The following SLCO1B3 variants were observed in gnomAD, a reference collection of about 807,000 sequenced individuals.
SLCO1B3 encodes solute carrier organic anion transporter family member 1B3.
In SLCO1B3, 72 loss-of-function variants were observed where a neutral mutation model predicts 71.8. The ratio of observed to expected loss-of-function variants is 1.00; its 90% CI spans 0.83 to 1.22. The LOEUF (loss-of-function observed/expected upper bound fraction) is 1.22. Ranked by LOEUF, SLCO1B3 falls within the 50% of genes most tolerant of loss-of-function variation. The pLI is 0.00. For missense variants in SLCO1B3, 911 were observed against 819.7 expected (o/e 1.11, Z -1.36); for synonymous variants, 298 against 278.4 (o/e 1.07, Z -0.70).
In SLCO1B3 at chr12:20,862,460, G is replaced by A. The variant is rs1865285511; in HGVS notation, c.530G>A (p.Gly177Glu). 1.2e-6 allele frequency: 2 copies of A among 1,613,178 alleles called. No homozygotes were observed. The highest frequency in any genetic ancestry group is 2.2e-5 in the South Asian group (2 of 90,962). Residue 177 changes from glycine (G) to glutamate (E), a missense_variant, in exon 7 of 16, where the codon GGG becomes GAG. Transcript: ENST00000381545. ...CACATGTGGATCTATGTCTTCATGG[G>A]GAATATGCTTCGTGGCATAGGGGAA... is the stretch of plus-strand genomic sequence containing the variant. Reference protein sequence around the residue: ...GSHMWIYVFMGNMLRGIGETP... With the variant: ...GSHMWIYVFMENMLRGIGETP...
intron 15 of SLCO1B3, among the ~76,000 whole-genome samples, chr12:20,905,077 A>G (rs1038885392): frequency 2.6e-5 from 4 of 152,158 alleles, no homozygotes; most frequent in Non-Finnish European, 5.9e-5. Flanking sequence ...CACCATGTGA[A>G]AGGCACCAAA....
intron 5 of SLCO1B3, among the ~76,000 whole-genome samples, chr12:20,860,597 CTTTGTGTGTG>C (rs969231534): frequency 1.7e-4 from 14 of 80,156 alleles, no homozygotes; most frequent in South Asian, 7.3e-4. Context: ...AAGTCAAGCA[CTTTGTGTGTG>C]TGTGTGTGTG....
At chr12:20,892,219 G>T (rs1865919371) in intron 13 of SLCO1B3, among the ~76,000 whole-genome samples, 1 of 151,952 alleles carries the variant, frequency 6.6e-6, no homozygotes, top group Admixed American at 6.6e-5. Flanking sequence ...TTTGAATTAG[G>T]TTTTTTCCAT....
rs2121247015 is a variant in SLCO1B3 at position 20,860,900 on chromosome 12, C to G, written c.360-117C>G. 24 of 1,033,180 alleles carry G rather than the reference C, an allele frequency of 2.3e-5. 1 individual carries two copies. Among genetic ancestry groups the G allele is most frequent in the Middle Eastern group, 6.8e-4 (2 of 2,960 alleles). 64.0% of individuals were successfully genotyped at this position (1,033,180 alleles called of 1,614,324 possible). A position where few individuals can be genotyped will look rare whatever the true frequency, so the allele number is the denominator to read the frequency against. ...TGCTGGGAAGTTGACAAACAAGATTCTGGTAATTTGGAGAAGACAGCGGTT... is the reference window on the plus strand; with the variant it reads ...TGCTGGGAAGTTGACAAACAAGATTGTGGTAATTTGGAGAAGACAGCGGTT... On this transcript the variant is annotated intron_variant, in intron 5 of 15. Transcript: ENST00000381545.
intron 15 of SLCO1B3, among the ~76,000 whole-genome samples, chr12:20,910,858 T>G (rs936155700): frequency 5.3e-5 from 8 of 152,152 alleles, no homozygotes; most frequent in Non-Finnish European, 8.8e-5. Context: ...TGTTTTTGTC[T>G]ATTATTTGAG....
At chr12:20,812,890 GAATT>G (rs1166727788) in intron 1 of SLCO1B3, among the ~76,000 whole-genome samples, 12 of 152,160 alleles carry the variant, frequency 7.9e-5, no homozygotes, top group Non-Finnish European at 1.8e-4. Flanking sequence ...TGCAATTATA[GAATT>G]AATTGGTAAA....
chr12:20,822,262 G>A (rs533021529), intron 3 of SLCO1B3, among the ~76,000 whole-genome samples: 25 of 152,286 alleles, frequency 1.6e-4, no homozygotes, highest in African/African-American at 4.8e-4. Flanking sequence ...ACCTGGATGC[G>A]GTTGGGCTGA....
At chr12:20,910,297 T>C (rs1866347843) in intron 15 of SLCO1B3, among the ~76,000 whole-genome samples, 3 of 152,192 alleles carry the variant, frequency 2.0e-5, no homozygotes, top group Non-Finnish European at 2.9e-5. Flanking sequence ...TATTTATTCT[T>C]TCCACTTACC....
intron 3 of SLCO1B3, among the ~76,000 whole-genome samples, chr12:20,843,780 CAAA>C (rs550396701): frequency 1.5e-5 from 2 of 132,810 alleles, no homozygotes. Flanking sequence ...GACTCTGTCT[CAAA>C]AAAAAAAAAA....
intron 13 of SLCO1B3, among the ~76,000 whole-genome samples, chr12:20,891,600 T>C (rs918886905): frequency 3.3e-5 from 5 of 152,130 alleles, no homozygotes; most frequent in African/African-American, 1.2e-4. Context: ...TGGGAGTTAT[T>C]CTTTCAAACA....
chr12:20,900,158 T>G (rs914268299), intron 14 of SLCO1B3, among the ~76,000 whole-genome samples: 3 of 152,206 alleles, frequency 2.0e-5, no homozygotes, highest in African/African-American at 7.2e-5. Flanking sequence ...TGTGATTTTT[T>G]GAAATCTGCA....
intron 15 of SLCO1B3, among the ~76,000 whole-genome samples, chr12:20,915,460 G>C (rs912632130): frequency 1.3e-5 from 2 of 151,906 alleles, no homozygotes; most frequent in African/African-American, 4.8e-5. Flanking sequence ...GACATATCTG[G>C]GTCTGGTTTT....
chr12:20,879,328 A>T, intron 10 of SLCO1B3, 108 bp from the exon 11 acceptor site: 1 of 792,848 alleles, frequency 1.3e-6, no homozygotes, highest in Non-Finnish European at 1.9e-6. Flanking sequence ...TCTTAAAGAA[A>T]TAAGAATGGG....
At chr12:20,912,301 T>TTA (rs1218900523) in intron 15 of SLCO1B3, among the ~76,000 whole-genome samples, 1 of 139,664 alleles carries the variant, frequency 7.2e-6, no homozygotes, top group African/African-American at 2.7e-5. Flanking sequence ...TTATTTTTAT[T>TTA]TTTATTTATT....
In SLCO1B3 at chr12:20,810,964, C is replaced by G. The variant is rs543793170; in HGVS notation, c.-181+200C>G. Among the ~76,000 whole-genome samples, 37 of 152,000 alleles carry G rather than the reference C, an allele frequency of 2.4e-4. No homozygotes were observed. In the South Asian group the frequency reaches 2.7e-3, roughly 11 times the overall value. ...TAGAAGAGCCTCAGATTTATATACT[C>G]AAAAATAAGAGTAAATCATACCTTT... On this transcript the variant is annotated intron_variant, in intron 1 of 15. Coordinates refer to ENST00000381545, the MANE Select transcript of SLCO1B3 (RefSeq NM_019844.4).
At chr12:20,879,205 CT>C (rs4149166) in intron 10 of SLCO1B3, among the ~76,000 whole-genome samples, 989 of 95,170 alleles carry the variant, frequency 0.01, 7 homozygotes, top group African/African-American at 0.036. Context: ...ACCCTTCTCT[CT>C]TTTTTTTTTT....
chr12:20,892,299 T>C (rs1865921047), intron 13 of SLCO1B3, among the ~76,000 whole-genome samples: 1 of 152,118 alleles, frequency 6.6e-6, no homozygotes, highest in African/African-American at 2.4e-5. Context: ...AGAGAGAAAA[T>C]GCCAGAAAGG....
chr12:20,833,338 G>A (rs1391365049), intron 3 of SLCO1B3, among the ~76,000 whole-genome samples: 2 of 151,252 alleles, frequency 1.3e-5, no homozygotes, highest in Non-Finnish European at 2.9e-5. Flanking sequence ...GTCTTTAAGG[G>A]TCATTACTCT....
intron 9 of SLCO1B3, among the ~76,000 whole-genome samples, chr12:20,876,530 C>T (rs1326080992): frequency 6.6e-6 from 1 of 152,102 alleles, no homozygotes; most frequent in African/African-American, 2.4e-5. Context: ...ACCACACTAA[C>T]CCAAGAGCAA....
Sources: gnomAD v4.1 joint callset for allele counts (sites outside exome capture counted in the v4.1 genomes callset) on GRCh38, gnomAD v4.1.1 for gene constraint, MANE v1.5 for transcripts, NCBI Gene and HGNC (gene_info 2026-07-23, HGNC 2026-07-21) for gene names.